UBE3B: variants seen among roughly 807,000 people sequenced by gnomAD.
UBE3B encodes ubiquitin protein ligase E3B.
A neutral mutation model predicts 132.3 loss-of-function variants in UBE3B; 80 were observed. The ratio of observed to expected loss-of-function variants is 0.60; its 90% confidence interval spans 0.50 to 0.73. The LOEUF (loss-of-function observed/expected upper bound fraction) is 0.73. Ranked by LOEUF, UBE3B falls within the 30% of genes least tolerant of loss-of-function variation. UBE3B has a pLI of 0.00. For synonymous variants in UBE3B, 487 were observed against 520.4 expected, an observed-to-expected ratio of 0.94 and a Z score of 0.87; for missense variants, 1,196 against 1,362.5, an observed-to-expected ratio of 0.88 and a Z score of 1.92.
chr12:109,524,392 A>G lies in UBE3B; in HGVS notation c.2503-46A>G, dbSNP rs773041616. The G allele has an allele frequency of 6.8e-6, 11 of 1,609,282 alleles. No homozygotes were observed. The African/African-American group carries it at 1.2e-4, about 18-fold the overall frequency. On this transcript the variant is annotated intron_variant, in intron 22 of 27. Coordinates refer to ENST00000342494, the MANE Select transcript of UBE3B (RefSeq NM_130466.4). ...AGGGAGGGTTAAACCTCTTAAGCAC[A>G]TAGTGCTCCATGGCCCTAACACTTT...
chr12:109,507,598 G>A lies in UBE3B; in HGVS notation c.1485G>A (p.Leu495=). 6.2e-7 allele frequency: 1 copy of A among 1,614,052 alleles called. No homozygotes were observed. ...LTYLDDLLPK[L]WAFICELGPH... is the part of the protein sequence containing the mutation. ...ACCTTGATGACCTGCTTCCCAAACT[G>A]TGGGCATTTATCTGTGAGCTCGGGC... Residue 495 remains leucine (L), a synonymous_variant, in exon 15 of 28, where the codon CTG becomes CTA. Coordinates refer to ENST00000342494, the MANE Select transcript of UBE3B (RefSeq NM_130466.4).
At chr12:109,497,670 C>T (rs61941631) in intron 9 of UBE3B, 148 bp from the exon 10 acceptor site, 124,818 of 744,872 alleles carry the variant, frequency 0.17, 10,894 homozygotes, top group African/African-American at 0.19. Flanking sequence ...TCCATTTCCC[C>T]AGTGTATGTC....
At chr12:109,492,954 GT>G (rs372845836) in intron 9 of UBE3B, among the ~76,000 whole-genome samples, 2 of 152,272 alleles carry the variant, frequency 1.3e-5, no homozygotes, top group South Asian at 2.1e-4. Flanking sequence ...GCATTTTTAA[GT>G]GCTCAGTAGC....
chr12:109,530,135 C>G, intron 25 of UBE3B, 63 bp downstream of exon 25: 2 of 1,587,632 alleles, frequency 1.3e-6, no homozygotes, highest in South Asian at 2.2e-5. Flanking sequence ...GCTGCTCCCT[C>G]GCTGGGTTCC....
At chr12:109,542,444 A>T in the UBE3B span, among the ~76,000 whole-genome samples, 4 of 152,340 alleles carry the variant, frequency 2.6e-5, no homozygotes, top group East Asian at 7.7e-4. Context: ...TAGCTCTGAG[A>T]TCATACTATT....
intron 14 of UBE3B, 138 bp from the exon 15 acceptor site, chr12:109,507,426 C>T: frequency 2.1e-6 from 2 of 933,194 alleles, no homozygotes; most frequent in Non-Finnish European, 3.2e-6. Flanking sequence ...ATGCTTTTCT[C>T]CATAATCCCA....
intron 9 of UBE3B, among the ~76,000 whole-genome samples, chr12:109,494,317 T>C (rs1274269050): frequency 6.6e-6 from 1 of 152,194 alleles, no homozygotes; most frequent in African/African-American, 2.4e-5. Flanking sequence ...AAGAATAATA[T>C]ATATATTTTT....
intron 6 of UBE3B, among the ~76,000 whole-genome samples, chr12:109,487,480 T>A (rs888216860): frequency 1.3e-5 from 2 of 152,262 alleles, no homozygotes; most frequent in African/African-American, 2.4e-5. Context: ...TGCTCAGGAA[T>A]GGCTCTTGCC....
intron 24 of UBE3B, among the ~76,000 whole-genome samples, chr12:109,528,662 T>C (rs1566113788): frequency 6.6e-6 from 1 of 151,896 alleles, no homozygotes; most frequent in Non-Finnish European, 1.5e-5. Flanking sequence ...AAGACCAGCC[T>C]AGTCAACATG....
At chr12:109,524,235 C>A in intron 22 of UBE3B, 120 bp downstream of exon 22, 1 of 1,442,090 alleles carries the variant, frequency 6.9e-7, no homozygotes. Flanking sequence ...CTACAGGCCC[C>A]TCACATCCCC....
At chr12:109,532,173 T>C (rs1464081569) in intron 26 of UBE3B, among the ~76,000 whole-genome samples, 1 of 152,156 alleles carries the variant, frequency 6.6e-6, no homozygotes, top group South Asian at 2.1e-4. Context: ...CCGGCCTAAA[T>C]TGGGATGCAC....
chr12:109,538,705 G>A (rs1027702320), downstream of UBE3B, among the ~76,000 whole-genome samples: 3 of 152,200 alleles, frequency 2.0e-5, no homozygotes, highest in African/African-American at 7.2e-5. This position sits in a 1 kb window ranked among gnomAD's most constrained non-coding sequence, Gnocchi z 4.1. Context: ...ATCCCAGCAG[G>A]GTGAGGAGAT....
At chr12:109,482,854 C>G (rs1197176335) in intron 2 of UBE3B, among the ~76,000 whole-genome samples, 1 of 152,202 alleles carries the variant, frequency 6.6e-6, no homozygotes, top group Non-Finnish European at 1.5e-5. Flanking sequence ...TGGTCCTTGG[C>G]AGGATGGTAA....
At chr12:109,506,378 C>T (rs973762245) in intron 14 of UBE3B, among the ~76,000 whole-genome samples, 2 of 152,100 alleles carry the variant, frequency 1.3e-5, no homozygotes, top group African/African-American at 2.4e-5. Context: ...GACAGAGTTT[C>T]GCTCTTGTCG....
At chr12:109,508,044 T>C (rs1879907225) in intron 15 of UBE3B, among the ~76,000 whole-genome samples, 1 of 152,198 alleles carries the variant, frequency 6.6e-6, no homozygotes, top group African/African-American at 2.4e-5. Context: ...CTGTGCTAGC[T>C]AGATTCCTGG....
At chr12:109,541,313 G>A (rs1460335169), downstream of UBE3B, among the ~76,000 whole-genome samples, 1 of 152,166 alleles carries the variant, frequency 6.6e-6, no homozygotes, top group African/African-American at 2.4e-5. Flanking sequence ...AGTGGTCAAG[G>A]GCACAGGCCT....
chr12:109,509,336 T>A (rs1788581398), intron 15 of UBE3B: 2 of 267,684 alleles, frequency 7.5e-6, no homozygotes, highest in Admixed American at 5.0e-5. Context: ...ACATGTGCTG[T>A]GGTGGTTTGC....
At chr12:109,489,846 A>C (rs1877128730) in intron 7 of UBE3B, 73 bp from the exon 8 acceptor site, 2 of 1,396,308 alleles carry the variant, frequency 1.4e-6, no homozygotes, top group Admixed American at 3.4e-5. Context: ...TGTGGGACAC[A>C]ATTTCCTGTC....
chr12:109,519,876 C>A (rs1881486206), intron 19 of UBE3B: 1 of 117,230 alleles, frequency 8.5e-6, no homozygotes, highest in South Asian at 2.4e-4. Context: ...ACTTTGAAGC[C>A]TAACCCCTGA....
Sources: gnomAD v4.1 joint callset for allele counts (sites outside exome capture counted in the v4.1 genomes callset) on GRCh38, gnomAD v4.1.1 for gene constraint, Gnocchi (gnomAD v3.1) non-coding constraint, MANE v1.5 for transcripts, NCBI Gene and HGNC (gene_info 2026-07-23, HGNC 2026-07-21) for gene names.